The following BCAT1 variants were observed in gnomAD, a reference collection of about 807,000 sequenced individuals.
BCAT1 encodes branched chain amino acid transaminase 1.
BCAT1 carries 48 observed loss-of-function variants against 52.4 expected under a neutral mutation model. The ratio of observed to expected loss-of-function variants is 0.92; its 90% CI spans 0.73 to 1.16. BCAT1 has a LOEUF of 1.16. BCAT1 is among the 50% of genes most tolerant of loss of function. The pLI is 0.00. For synonymous variants in BCAT1, 167 were observed against 161.3 expected, an observed-to-expected ratio of 1.04 and a Z score of -0.27; for missense variants, 451 against 457.1, an observed-to-expected ratio of 0.99 and a Z score of 0.12.
intron 1 of BCAT1, among the ~76,000 whole-genome samples, chr12:24,935,337 T>C (rs1273528076): frequency 6.6e-6 from 1 of 152,148 alleles, no homozygotes; most frequent in Admixed American, 6.5e-5. Flanking sequence ...TCAGAGAGCT[T>C]AGGTGGCCAG....
intron 1 of BCAT1, among the ~76,000 whole-genome samples, chr12:24,909,012 A>T (rs937396962): frequency 4.6e-5 from 7 of 152,234 alleles, no homozygotes; most frequent in Non-Finnish European, 1.0e-4. Flanking sequence ...ACTGCTCAGT[A>T]CATGTTAGCT....
intron 7 of BCAT1, among the ~76,000 whole-genome samples, chr12:24,839,200 G>A (rs539907972): frequency 2.6e-5 from 4 of 152,322 alleles, no homozygotes; most frequent in South Asian, 2.1e-4. Context: ...AATGGGAAAT[G>A]GAGTTTATGA....
intron 3 of BCAT1, among the ~76,000 whole-genome samples, chr12:24,891,171 G>A (rs7131753): frequency 6.6e-6 from 1 of 152,154 alleles, no homozygotes; most frequent in Non-Finnish European, 1.5e-5. Flanking sequence ...TGGGCCCTAG[G>A]TCAGCACATA....
Position 24,811,626 on chromosome 12 carries a change from C to A in BCAT1, c.*6382G>T, listed in dbSNP as rs1430018913. The A allele has an allele frequency of 6.6e-6, 1 of 152,148 alleles. No individual in the cohort carries two copies. The highest frequency in any genetic ancestry group is 1.5e-5 in the Non-Finnish European group (1 of 67,992). The allele number at this position is 152,148 out of a possible 1,614,324, so 9.4% of individuals were successfully genotyped here. On this transcript the variant is annotated 3_prime_UTR_variant, in exon 11 of 11. Coordinates refer to ENST00000261192, the MANE Select transcript of BCAT1 (RefSeq NM_005504.7). Reference sequence around the variant, plus strand: ...TATTTTCCACATTTCCATTATTACACTTTTAGTGAGCTAAAATCCTTTTAA... The same window carrying A: ...TATTTTCCACATTTCCATTATTACAATTTTAGTGAGCTAAAATCCTTTTAA...
rs183018626 is a variant in BCAT1 at position 24,920,658 on chromosome 12, A to G, written c.7-18773T>C. Among the ~76,000 whole-genome samples the G allele has an allele frequency of 4.6e-5, 7 of 152,280 alleles. No homozygotes were observed. The East Asian group carries it at 1.4e-3, about 29-fold the overall frequency. Reference sequence around the variant, plus strand: ...ATCAGTTCTGCAGTGGACACAAGCTAGGTGTCCTCCAATTCAGCTCCAACA... The same window carrying G: ...ATCAGTTCTGCAGTGGACACAAGCTGGGTGTCCTCCAATTCAGCTCCAACA... On this transcript the variant is annotated intron_variant, in intron 1 of 10. Transcript: ENST00000261192.
chr12:24,819,172 C>T (rs1011621822), intron 10 of BCAT1, among the ~76,000 whole-genome samples: 1 of 152,118 alleles, frequency 6.6e-6, no homozygotes, highest in Non-Finnish European at 1.5e-5. Flanking sequence ...ACCAAGACTG[C>T]TCGCCATGTG....
intron 8 of BCAT1, among the ~76,000 whole-genome samples, chr12:24,833,501 GGAGT>G (rs1200440148): frequency 1.3e-5 from 2 of 152,034 alleles, no homozygotes; most frequent in Admixed American, 1.3e-4. Flanking sequence ...CCTGGGTGAC[GGAGT>G]GAGACTCTGT....
chr12:24,845,446 T>G (rs1941315874), intron 6 of BCAT1, among the ~76,000 whole-genome samples: 1 of 152,238 alleles, frequency 6.6e-6, no homozygotes, highest in African/African-American at 2.4e-5. Context: ...TCATAACTGA[T>G]AGTAAATAGA....
At chr12:24,877,132 G>T (rs1190718421) in intron 5 of BCAT1, among the ~76,000 whole-genome samples, 4 of 152,066 alleles carry the variant, frequency 2.6e-5, no homozygotes, top group Non-Finnish European at 4.4e-5. Context: ...AAACACTTCG[G>T]TATTTATTCC....
rs535501584 is a variant in BCAT1, at chr12:24,831,643, C to T, written c.1044+1080G>A. ...CAGTACAGGTGACAGAGAAAGACCC[C>T]GTTTAAAAAAACAAACAAACAAAAA... On this transcript the variant is annotated intron_variant, in intron 9 of 10. Coordinates refer to ENST00000261192, the MANE Select transcript of BCAT1 (RefSeq NM_005504.7). Among the ~76,000 whole-genome samples the T allele has an allele frequency of 5.3e-5, 8 of 152,158 alleles. No homozygotes were observed. The Middle Eastern group carries it at 0.017, about 323-fold the overall frequency.
At chr12:24,877,781 T>C (rs536666035) in intron 5 of BCAT1, among the ~76,000 whole-genome samples, 3 of 152,266 alleles carry the variant, frequency 2.0e-5, no homozygotes, top group African/African-American at 7.2e-5. Flanking sequence ...CTAGTCTTAA[T>C]TGGGCAAGGC....
At chr12:24,828,391 A>C (rs1940498021) in intron 10 of BCAT1, among the ~76,000 whole-genome samples, 1 of 152,174 alleles carries the variant, frequency 6.6e-6, no homozygotes, top group Non-Finnish European at 1.5e-5. Context: ...ATTGCTCAGA[A>C]AAAAAATAGG....
chr12:24,836,801 G>A (rs113203811), intron 7 of BCAT1, among the ~76,000 whole-genome samples: 2 of 108,362 alleles, frequency 1.8e-5, no homozygotes, highest in African/African-American at 6.2e-5. Context: ...AAGGAAGGAA[G>A]GAAAGAAGGA....
rs1025501734 is a variant in BCAT1, at chr12:24,816,689, G to A, written c.*1319C>T. 24 of 396,758 alleles carry A rather than the reference G, an allele frequency of 6.0e-5. No individual in the cohort carries two copies. The highest frequency in any genetic ancestry group is 8.4e-5 in the Non-Finnish European group (19 of 225,204). The allele number at this position is 396,758 out of a possible 1,614,324, so 24.6% of individuals were successfully genotyped here. A position where few individuals can be genotyped will look rare whatever the true frequency, so the allele number is the denominator to read the frequency against. On this transcript the variant is annotated 3_prime_UTR_variant, in exon 11 of 11. Coordinates refer to ENST00000261192, the MANE Select transcript of BCAT1 (RefSeq NM_005504.7). ...TATGATATCATGACCTCTCTCTAGA[G>A]CAGTGGTCCCCAACATTTTTGGCAC...
chr12:24,839,228 A>G (rs2139423213), intron 7 of BCAT1, among the ~76,000 whole-genome samples: 1 of 152,354 alleles, frequency 6.6e-6, no homozygotes, highest in East Asian at 1.9e-4. Flanking sequence ...TAAGAGCTCA[A>G]GGAAAGCCAG....
At chr12:24,940,777 T>A (rs1432605917) in intron 1 of BCAT1, among the ~76,000 whole-genome samples, 1 of 152,190 alleles carries the variant, frequency 6.6e-6, no homozygotes, top group Non-Finnish European at 1.5e-5. Flanking sequence ...GAAGTCCTAT[T>A]TCTCGAGGCA....
intron 5 of BCAT1, 106 bp from the exon 6 acceptor site, chr12:24,850,055 C>T (rs1941461207): frequency 7.3e-6 from 8 of 1,092,882 alleles, no homozygotes; most frequent in Non-Finnish European, 6.2e-6. Context: ...CATCGAATTA[C>T]AGGAGCTATT....
rs941903104 is a variant in BCAT1, at chr12:24,812,389, T to A, written c.*5619A>T. ...TGGCCTCAAGAAGCTTCATGGATCT[T>A]AGAATAAAATGGTTGAAGAAATGAC... On this transcript the variant is annotated 3_prime_UTR_variant, in exon 11 of 11. Coordinates refer to ENST00000261192, the MANE Select transcript of BCAT1 (RefSeq NM_005504.7). 6.6e-5 allele frequency: 10 copies of A among 152,044 alleles called. No homozygotes were observed. The highest frequency in any genetic ancestry group is 2.2e-4 in the African/African-American group (9 of 41,436). 9.4% of individuals were successfully genotyped at this position (152,044 alleles called of 1,614,324 possible).
At chr12:24,905,370 G>T (rs749272824) in intron 1 of BCAT1, among the ~76,000 whole-genome samples, 5 of 152,256 alleles carry the variant, frequency 3.3e-5, no homozygotes, top group African/African-American at 1.2e-4. Flanking sequence ...ATATGCAAAT[G>T]AAATTGGCTT....
Sources: gnomAD v4.1 joint callset for allele counts (sites outside exome capture counted in the v4.1 genomes callset) on GRCh38, gnomAD v4.1.1 for gene constraint, MANE v1.5 for transcripts, NCBI Gene and HGNC (gene_info 2026-07-23, HGNC 2026-07-21) for gene names.